Variants in MLIP observed in about 807,000 individuals in gnomAD.
MLIP encodes the protein muscular LMNA-interacting protein.
A neutral mutation model predicts 84.8 loss-of-function variants in MLIP; 79 were observed. That is an observed-to-expected ratio of 0.93 (90% CI 0.78 to 1.12). The LOEUF is 1.12. Ranked by LOEUF, MLIP falls within the 50% of genes most tolerant of loss-of-function variation. The probability of loss-of-function intolerance (pLI) is 0.00; values close to 1 mark genes in which losing one functional copy is unlikely to be tolerated. For synonymous variants in MLIP, 504 were observed against 463.0 expected, an observed-to-expected ratio of 1.09 and a Z score of -1.14; for missense variants, 1,257 against 1,160.6, an observed-to-expected ratio of 1.08 and a Z score of -1.21.
At position 54,230,942 on chromosome 6, in the gene MLIP, G is replaced by A; in HGVS notation, c.2922+25G>A. 5 of 1,607,374 alleles carry A rather than the reference G, an allele frequency of 3.1e-6. No homozygotes were observed. In the African/African-American group the frequency reaches 4.0e-5, roughly 13 times the overall value. On this transcript the variant is annotated intron_variant, in intron 12 of 13. Transcript: ENST00000502396. Reference sequence around the variant, plus strand: ...GGTGAGAACTCCTCCCCAAAATGAGGACTATTCTATTCTGTGAACCTTCAT... The same window carrying A: ...GGTGAGAACTCCTCCCCAAAATGAGAACTATTCTATTCTGTGAACCTTCAT...
chr6:54,104,779 T>A (rs1768894967), intron 1 of MLIP, among the ~76,000 whole-genome samples: 1 of 152,116 alleles, frequency 6.6e-6, no homozygotes, highest in African/African-American at 2.4e-5. Flanking sequence ...AAAAGAAGGC[T>A]CTGTGGACTG....
chr6:54,043,171 G>A (rs1399222158), intron 1 of MLIP, among the ~76,000 whole-genome samples: 2 of 152,080 alleles, frequency 1.3e-5, no homozygotes, highest in Non-Finnish European at 2.9e-5. Context: ...CAGAGGAGTG[G>A]GAACAAGTTC....
rs768957236 is a variant in MLIP at position 54,124,696 on chromosome 6, A to G, written c.476A>G (p.Gln159Arg). The G allele has an allele frequency of 6.2e-7, 1 of 1,614,202 alleles. No individual in the cohort carries two copies. Among genetic ancestry groups the G allele is most frequent in the Non-Finnish European group, 8.5e-7 (1 of 1,180,022 alleles). ...GAGGCTGCAAGCAGAAAAGTTGAAC[A>G]AGGCCCCCCAGGGGGGATTGGCACC... ...EDEAASRKVE[Q>R]GPPGGIGTAA... Residue 159 changes from glutamine to arginine, a missense_variant, in exon 3 of 14, where the codon CAA becomes CGA. Physicochemically the swap from Gln to Arg is conservative, Grantham distance 43. Transcript: ENST00000502396.
rs532391858 is a variant in MLIP at position 54,028,792 on chromosome 6, C to A, written c.63+9701C>A. The stretch of plus-strand genomic sequence containing the variant: ...TTTCAATGAATCTCCTTCTTTTCAG[C>A]CCTTCTTTACAGTCATGCCTTTGCC... On this transcript the variant is annotated intron_variant, in intron 1 of 12. Transcript: ENST00000274897. The A allele has an allele frequency of 8.5e-5, 13 of 152,260 alleles. No homozygotes were observed. In the South Asian group the frequency reaches 2.7e-3, roughly 32 times the overall value. The allele number at this position is 152,260 out of a possible 1,614,324, so 9.4% of individuals were successfully genotyped here.
rs1191825065 is a variant in MLIP at position 54,136,966 on chromosome 6, T to A, written c.897T>A (p.Phe299Leu). 6.5e-7 allele frequency: 1 copy of A among 1,535,836 alleles called. No individual in the cohort carries two copies. The highest frequency in any genetic ancestry group is 1.4e-5 in the African/African-American group (1 of 73,000). Residue 299 changes from phenylalanine to leucine, a missense_variant, in exon 4 of 14, where the codon TTT becomes TTA. By Grantham distance (22) the Phe-to-Leu change is conservative. Coordinates refer to ENST00000502396, the MANE Select transcript of MLIP (RefSeq NM_001281747.2). ...ASKGTSSTLL[F>L]PHSTQLSGSN... Reference sequence around the variant, plus strand: ...AGGGCACCTCCTCGACGTTACTGTTTCCCCATTCCACTCAACTATCAGGTT... The same window carrying A: ...AGGGCACCTCCTCGACGTTACTGTTACCCCATTCCACTCAACTATCAGGTT...
At chr6:54,034,250 T>C (rs1252534598) in intron 1 of MLIP, among the ~76,000 whole-genome samples, 1 of 152,246 alleles carries the variant, frequency 6.6e-6, no homozygotes, top group East Asian at 1.9e-4. Flanking sequence ...AAACCTAGGA[T>C]ACATGAAACC....
chr6:54,160,311 C>T lies in MLIP; in HGVS notation c.2290-56C>T, dbSNP rs139035888. The T allele has an allele frequency of 2.5e-5, 35 of 1,392,330 alleles. No individual in the cohort carries two copies. In the African/African-American group the frequency reaches 3.9e-4, roughly 15 times the overall value. 86.2% of individuals were successfully genotyped at this position (1,392,330 alleles called of 1,614,324 possible). The stretch of plus-strand genomic sequence containing the variant: ...CAAGGCTTTCTTTGAAGATACTTTT[C>T]TACTCCAGTTGTATGACTAGAAGCC... On this transcript the variant is annotated intron_variant, in intron 5 of 13. Transcript: ENST00000502396.
intron 9 of MLIP, among the ~76,000 whole-genome samples, chr6:54,184,611 C>A (rs750688068): frequency 6.6e-6 from 1 of 152,160 alleles, no homozygotes; most frequent in Non-Finnish European, 1.5e-5. Flanking sequence ...AGGAATTTGT[C>A]TTTCAATGGA....
intron 12 of MLIP, among the ~76,000 whole-genome samples, chr6:54,237,007 G>C (rs1000025085): frequency 6.6e-6 from 1 of 152,040 alleles, no homozygotes; most frequent in African/African-American, 2.4e-5. Flanking sequence ...TGCTCATGGA[G>C]GCTTTAAGGA....
At chr6:54,247,640 G>A (rs1782175899) in intron 12 of MLIP, among the ~76,000 whole-genome samples, 1 of 152,170 alleles carries the variant, frequency 6.6e-6, no homozygotes. Context: ...ATAGGAAGGT[G>A]TGGGAATGGA....
chr6:54,158,063 A>G lies in MLIP; in HGVS notation c.2290-2304A>G, dbSNP rs147857396. On this transcript the variant is annotated intron_variant, in intron 5 of 13. Coordinates refer to ENST00000502396, the MANE Select transcript of MLIP (RefSeq NM_001281747.2). Reference sequence around the variant, plus strand: ...TTCTGAATTCTTAGGGTTATATCCCATGCCAAAATGGCAGTTCTAGCATCT... The same window carrying G: ...TTCTGAATTCTTAGGGTTATATCCCGTGCCAAAATGGCAGTTCTAGCATCT... 2.1e-3 allele frequency among the ~76,000 whole-genome samples: 319 copies of G among 152,206 alleles called. 2 individuals carry two copies. Among genetic ancestry groups the G allele is most frequent in the African/African-American group, 7.3e-3 (305 of 41,556 alleles).
At chr6:54,081,613 A>G (rs560078044) in intron 1 of MLIP, among the ~76,000 whole-genome samples, 18 of 152,156 alleles carry the variant, frequency 1.2e-4, no homozygotes, top group African/African-American at 4.1e-4. Context: ...CGGTTTCACC[A>G]TGTTGGCCGG....
At chr6:54,169,485 A>C (rs369466386) in intron 8 of MLIP, 43 bp from the exon 9 acceptor site, 2 of 1,381,080 alleles carry the variant, frequency 1.4e-6, no homozygotes, top group Non-Finnish European at 2.0e-6. Flanking sequence ...ATTATTATTT[A>C]CTTTATTATT....
intron 1 of MLIP, among the ~76,000 whole-genome samples, chr6:54,113,090 T>G (rs1371819179): frequency 1.3e-5 from 2 of 152,202 alleles, no homozygotes; most frequent in Non-Finnish European, 2.9e-5. Context: ...GTTATATGTA[T>G]TTTGTAACCA....
At chr6:54,105,794 T>C (rs972169622) in intron 1 of MLIP, among the ~76,000 whole-genome samples, 3 of 152,046 alleles carry the variant, frequency 2.0e-5, no homozygotes, top group African/African-American at 7.2e-5. Flanking sequence ...AAGAACATTG[T>C]GGAGAGTAGG....
chr6:54,124,849 A>T lies in MLIP; in HGVS notation c.629A>T (p.Gln210Leu). ...HPEMLHGMAP[Q>L]QKHGQLTSSP... ...GAAATGCTTCATGGGATGGCCCCTC[A>T]GCAAAAGCATGGGCAGGTAGGTTTT... Residue 210 changes from glutamine (Q) to leucine (L), a missense_variant, in exon 3 of 14, where the codon CAG becomes CTG. Gln to Leu is a moderately radical substitution (Grantham distance 113). Transcript: ENST00000502396. 1.3e-6 allele frequency: 2 copies of T among 1,593,578 alleles called. No homozygotes were observed. The highest frequency in any genetic ancestry group is 1.7e-6 in the Non-Finnish European group (2 of 1,169,738).
upstream of MLIP, among the ~76,000 whole-genome samples, chr6:54,107,729 A>T (rs1769120483): frequency 6.6e-6 from 1 of 152,162 alleles, no homozygotes; most frequent in Admixed American, 6.5e-5. Flanking sequence ...CTTTAATGAG[A>T]CTATAAGCCA....
At chr6:54,034,979 A>G (rs1581998799) in intron 1 of MLIP, among the ~76,000 whole-genome samples, 1 of 152,256 alleles carries the variant, frequency 6.6e-6, no homozygotes, top group East Asian at 1.9e-4. Context: ...ACAAATATAT[A>G]CCATTGTGTT....
At chr6:54,175,865 G>C (rs1315404821) in intron 9 of MLIP, among the ~76,000 whole-genome samples, 2 of 151,896 alleles carry the variant, frequency 1.3e-5, no homozygotes, top group African/African-American at 2.4e-5. Context: ...TCTAGCTGTG[G>C]CTCTGTCATA....
Sources: gnomAD v4.1 joint callset for allele counts (sites outside exome capture counted in the v4.1 genomes callset) on GRCh38, gnomAD v4.1.1 for gene constraint, MANE v1.5 for transcripts, NCBI Gene and HGNC (gene_info 2026-07-23, HGNC 2026-07-21) for gene names.